Variants in PLA2G4D observed in about 807,000 individuals in gnomAD.
PLA2G4D encodes the protein cytosolic phospholipase A2 delta.
Under a neutral mutation model 94.4 loss-of-function variants are expected in PLA2G4D, and 80 were observed. The ratio of observed to expected loss-of-function variants is 0.85; its 90% CI spans 0.71 to 1.02. The LOEUF is 1.02. Among genes scored for constraint, PLA2G4D ranks in the 50% least tolerant of loss-of-function variants. The pLI is 0.00. For missense variants in PLA2G4D, 1,050 were observed against 1,034.7 expected, an observed-to-expected ratio of 1.01 and a Z score of -0.20; for synonymous variants, 438 against 440.9, an observed-to-expected ratio of 0.99 and a Z score of 0.08.
In PLA2G4D at chr15:42,079,643, C is replaced by T. The variant is rs1298784877; in HGVS notation, c.1211G>A (p.Arg404His). The T allele has an allele frequency of 1.2e-6, 2 of 1,612,706 alleles. No homozygotes were observed. Among genetic ancestry groups the T allele is most frequent in the African/African-American group, 1.3e-5 (1 of 74,832 alleles). The change falls in exon 13 of 20, where the codon CGC (arginine) becomes CAC (histidine). Residue 404 changes from arginine (R) to histidine (H), a missense_variant. By Grantham distance (29) the Arg-to-His change is conservative. Coordinates refer to ENST00000290472, the MANE Select transcript of PLA2G4D (RefSeq NM_178034.4). ...KSKLEVFSPE[R>H]LASYRRELEL... ...CAGCTCCCGGCGGTAGCTCGCCAGG[C>T]GCTCTGGGGAAAAGACCTCCAGCTT...
intron 13 of PLA2G4D, among the ~76,000 whole-genome samples, chr15:42,077,492 T>C (rs1889954095): frequency 6.6e-6 from 1 of 152,240 alleles, no homozygotes; most frequent in South Asian, 2.1e-4. Context: ...GTGCCCTGGT[T>C]ACATAATCAA....
rs146683871 is a variant in PLA2G4D, at chr15:42,085,723, A to G, written c.388-192T>C. Among the ~76,000 whole-genome samples the G allele has an allele frequency of 4.2e-3, 633 of 152,384 alleles. 4 individuals are homozygous for G. Among genetic ancestry groups the G allele is most frequent in the African/African-American group, 0.014 (603 of 41,592 alleles). On this transcript the variant is annotated intron_variant, in intron 4 of 19. Coordinates refer to ENST00000290472, the MANE Select transcript of PLA2G4D (RefSeq NM_178034.4). Reference sequence around the variant, plus strand: ...TGGGCTACCTGCCCACATTGCCCACAGCTAGTAAGTCTGCAGAGAACAGGT... The same window carrying G: ...TGGGCTACCTGCCCACATTGCCCACGGCTAGTAAGTCTGCAGAGAACAGGT...
In PLA2G4D at chr15:42,072,345, A is replaced by AC. The variant is rs765788898; in HGVS notation, c.1364dup (p.Gln456SerfsTer27). 5.0e-6 allele frequency: 8 copies of AC among 1,613,248 alleles called. No individual in the cohort carries two copies. In the East Asian group the frequency reaches 1.8e-4, roughly 36 times the overall value. On this transcript the variant is annotated frameshift_variant, in exon 14 of 20. Transcript: ENST00000290472. LOFTEE classifies it high-confidence loss of function. ...TCAAGTAGAGGGGCAGAGGGTTCTG[A>AC]CCCCGTTCCAGGGCGGCTCTCTGTC...
At chr15:42,075,262 C>G (rs1422833888) in intron 13 of PLA2G4D, among the ~76,000 whole-genome samples, 1 of 152,230 alleles carries the variant, frequency 6.6e-6, no homozygotes, top group African/African-American at 2.4e-5. Context: ...TAAGTCATTA[C>G]TGGAGTATCC....
chr15:42,083,172 A>C, intron 8 of PLA2G4D, 26 bp downstream of exon 8: 2 of 1,604,362 alleles, frequency 1.2e-6, no homozygotes, highest in African/African-American at 1.3e-5. Context: ...CTAGGATTGC[A>C]AACGAGGTCT....
At chr15:42,070,116 C>T (rs749303722) in intron 18 of PLA2G4D, 21 bp from the exon 19 acceptor site, 68 of 1,478,364 alleles carry the variant, frequency 4.6e-5, no homozygotes, top group South Asian at 4.5e-4. Context: ...GAAGGTGGCC[C>T]GGAGAGAACC....
Position 42,080,427 on chromosome 15 carries a change from G to A in PLA2G4D, c.1094+570C>T, listed in dbSNP as rs1890015816. Among the ~76,000 whole-genome samples the A allele has an allele frequency of 2.6e-5, 4 of 152,186 alleles. No individual in the cohort carries two copies. The South Asian group carries it at 8.3e-4, about 32-fold the overall frequency. The stretch of plus-strand genomic sequence containing the variant: ...GTCATGCTGCGGGGTGAGGGCGTAG[G>A]GAGGTAATGCTAGCTTTAGGTAGAA... On this transcript the variant is annotated intron_variant, in intron 12 of 19. Coordinates refer to ENST00000290472, the MANE Select transcript of PLA2G4D (RefSeq NM_178034.4).
intron 19 of PLA2G4D, 27 bp from the exon 20 acceptor site, chr15:42,068,968 G>A (rs752674269): frequency 1.7e-5 from 27 of 1,588,674 alleles, no homozygotes; most frequent in Non-Finnish European, 2.3e-5. Context: ...GGGGTGTCAG[G>A]AGCAGGACGC....
At chr15:42,090,394 C>T (rs1890226773) in intron 1 of PLA2G4D, among the ~76,000 whole-genome samples, 1 of 152,204 alleles carries the variant, frequency 6.6e-6, no homozygotes, top group African/African-American at 2.4e-5. Flanking sequence ...CAAATTAGGG[C>T]TGGGAACGCA....
chr15:42,093,463 G>A (rs947623356), intron 1 of PLA2G4D, among the ~76,000 whole-genome samples: 1 of 152,174 alleles, frequency 6.6e-6, no homozygotes, highest in African/African-American at 2.4e-5. Context: ...CTGATGGGAC[G>A]GGTGGTGGAG....
chr15:42,086,194 T>TTGGGGGGGGGGGGGGCCCC lies in PLA2G4D; in HGVS notation c.387+18_387+19insGGGGCCCCCCCCCCCCCCA. 2 of 1,370,444 alleles carry TTGGGGGGGGGGGGGGCCCC rather than the reference T, an allele frequency of 1.5e-6. No individual in the cohort carries two copies. Among genetic ancestry groups the TTGGGGGGGGGGGGGGCCCC allele is most frequent in the Non-Finnish European group, 1.9e-6 (2 of 1,043,084 alleles). The allele number at this position is 1,370,444 out of a possible 1,614,324, so 84.9% of individuals were successfully genotyped here. ...GGAAGAAGTGGGGCCCACGGGGACT[T>TTGGGGGGGGGGGGGGCCCC]CCCCACCCACCCACCCACCTGGGGA... On this transcript the variant is annotated intron_variant, in intron 4 of 19. Transcript: ENST00000290472.
chr15:42,076,324 T>C (rs1405544458), intron 13 of PLA2G4D, among the ~76,000 whole-genome samples: 2 of 152,178 alleles, frequency 1.3e-5, no homozygotes, highest in Non-Finnish European at 2.9e-5. Flanking sequence ...TAAAGTCCTA[T>C]TAGTAAGAAA....
At chr15:42,089,910 A>G (rs1439857348) in intron 1 of PLA2G4D, among the ~76,000 whole-genome samples, 3 of 152,030 alleles carry the variant, frequency 2.0e-5, no homozygotes, top group Non-Finnish European at 2.9e-5. Context: ...CCCTCCCATC[A>G]CTGAGAGCTT....
In PLA2G4D at chr15:42,085,560, C is replaced by G. The variant is rs145111947; in HGVS notation, c.388-29G>C. On this transcript the variant is annotated intron_variant, in intron 4 of 19. Coordinates refer to ENST00000290472, the MANE Select transcript of PLA2G4D (RefSeq NM_178034.4). The stretch of plus-strand genomic sequence containing the variant: ...AAATCAGAGAGCATGAGCAAGTCAT[C>G]AGCACATACCTGTGTCTTCAGAGTT... 241 of 1,607,810 alleles carry G rather than the reference C, an allele frequency of 1.5e-4. 1 individual carries two copies. In the African/African-American group the frequency reaches 2.9e-3, roughly 20 times the overall value.
rs200341650 is a variant in PLA2G4D, at chr15:42,068,892, G to C, written c.2280C>G (p.Thr760=). The part of the protein sequence containing the change: ...AELQGGQVDL[T]GATCPYTLSN... ...ACAGGGTGTAGGGGCAGGTGGCCCC[G>C]GTGAGATCCACTTGGCCACCCTGGA... The change falls in exon 20 of 20, where the codon ACC becomes ACG. Residue 760 remains threonine (T), a synonymous_variant. Transcript: ENST00000290472. 613 of 1,612,834 alleles carry C rather than the reference G, an allele frequency of 3.8e-4. 6 individuals are homozygous for C. In the African/African-American group the frequency reaches 6.9e-3, roughly 18 times the overall value.
At position 42,087,353 on chromosome 15, in the gene PLA2G4D, T is replaced by C. The variant is rs924589741; in HGVS notation, c.202A>G (p.Ser68Gly). ...AAGGCCTCATTCCACACAGGATGAC[T>C]GGTGTCGGTGAGCGTCTTGGTCTTA... ...KFKTKTLTDT[S>G]HPVWNEAFRF... is the part of the protein sequence containing the mutation. The change falls in exon 3 of 20, where the codon AGT becomes GGT. Residue 68 changes from serine to glycine, a missense_variant. Transcript: ENST00000290472. 6.2e-7 allele frequency: 1 copy of C among 1,614,168 alleles called. No homozygotes were observed. Among genetic ancestry groups the C allele is most frequent in the East Asian group, 2.2e-5 (1 of 44,886 alleles).
rs142001551 is a variant in PLA2G4D, at chr15:42,081,073, C to T, written c.1018G>A (p.Gly340Ser). The stretch of plus-strand genomic sequence containing the variant: ...AGCTTCTGCAAGGCCAATAGGTGGC[C>T]GTAGAGTGAGGTCATGGCCCGGGCA... ...GGARAMTSLYGHLLALQKLGL... is the reference protein window; with the variant it reads ...GGARAMTSLYSHLLALQKLGL... The change falls in exon 12 of 20, where the codon GGC (glycine) becomes AGC (serine). Residue 340 changes from glycine to serine, a missense_variant. Physicochemically the swap from Gly to Ser is moderately conservative, Grantham distance 56 (BLOSUM62 0). Coordinates refer to ENST00000290472, the MANE Select transcript of PLA2G4D (RefSeq NM_178034.4). 8.4e-5 allele frequency: 135 copies of T among 1,614,022 alleles called. No individual in the cohort carries two copies. Among genetic ancestry groups the T allele is most frequent in the Admixed American group, 6.8e-4 (41 of 59,998 alleles).
chr15:42,085,425 G>A, intron 5 of PLA2G4D, 66 bp downstream of exon 5: 1 of 1,551,918 alleles, frequency 6.4e-7, no homozygotes. Flanking sequence ...AGGGAGATCT[G>A]GGTCAGGGCC....
At chr15:42,086,648 C>G (rs1411341136) in intron 3 of PLA2G4D, among the ~76,000 whole-genome samples, 1 of 151,898 alleles carries the variant, frequency 6.6e-6, no homozygotes, top group African/African-American at 2.4e-5. Flanking sequence ...GTCGAGAGTT[C>G]GAGACCAGCC....
Sources: gnomAD v4.1 joint callset for allele counts (sites outside exome capture counted in the v4.1 genomes callset) on GRCh38, gnomAD v4.1.1 for gene constraint, MANE v1.5 for transcripts, NCBI Gene and HGNC (gene_info 2026-07-23, HGNC 2026-07-21) for gene names.